The following RBM33 variants were observed in gnomAD, a reference collection of about 807,000 sequenced individuals.
RBM33 encodes the protein RNA-binding protein 33.
Under a neutral mutation model 132.6 loss-of-function variants are expected in RBM33, and 28 were observed. That is an observed-to-expected ratio of 0.21 (90% confidence interval 0.16 to 0.29). RBM33 has a LOEUF of 0.29. Ranked by LOEUF, RBM33 falls within the 10% of genes least tolerant of loss-of-function variation. The probability of loss-of-function intolerance (pLI) is 1.00; values close to 1 mark genes in which losing one functional copy is unlikely to be tolerated. For missense variants in RBM33, 1,291 were observed against 1,518.5 expected, an observed-to-expected ratio of 0.85 and a Z score of 2.49; for synonymous variants, 634 against 593.0, an observed-to-expected ratio of 1.07 and a Z score of -1.01.
intron 3 of RBM33, among the ~76,000 whole-genome samples, chr7:155,674,846 C>G (rs1799131860): frequency 6.6e-6 from 1 of 152,180 alleles, no homozygotes; most frequent in Non-Finnish European, 1.5e-5. Flanking sequence ...ATGTGTCTCT[C>G]ATTTCCTCTT....
At chr7:155,673,509 C>CAT (rs1214725067) in intron 3 of RBM33, among the ~76,000 whole-genome samples, 48 of 143,668 alleles carry the variant, frequency 3.3e-4, no homozygotes, top group African/African-American at 1.1e-3. Context: ...TATATACATA[C>CAT]ACACGTGTAT....
At chr7:155,712,207 T>C (rs1360348325) in intron 8 of RBM33, among the ~76,000 whole-genome samples, 5 of 152,234 alleles carry the variant, frequency 3.3e-5, no homozygotes, top group African/African-American at 1.2e-4. Context: ...AATTCCAGTG[T>C]CAGCTGGTGG....
chr7:155,717,237 C>G (rs1316679905), intron 8 of RBM33, among the ~76,000 whole-genome samples: 1 of 152,154 alleles, frequency 6.6e-6, no homozygotes, highest in African/African-American at 2.4e-5. Context: ...AACTTATTTT[C>G]TCGCAGTTCC....
intron 13 of RBM33, among the ~76,000 whole-genome samples, chr7:155,744,082 G>A (rs1801437058): frequency 1.3e-5 from 2 of 152,176 alleles, no homozygotes; most frequent in Admixed American, 1.3e-4. Context: ...GGCACCAGCC[G>A]ACTCCTCAGC....
rs1802123716 is a variant in RBM33 at position 155,763,893 on chromosome 7, G to A, written c.3061G>A (p.Ala1021Thr). 1.2e-6 allele frequency: 2 copies of A among 1,610,688 alleles called. No individual in the cohort carries two copies. The highest frequency in any genetic ancestry group is 1.7e-6 in the Non-Finnish European group (2 of 1,178,608). ...PQPPEVGPQP[A>T]RKVTLTRGGL... is the part of the protein sequence containing the mutation. ...GCCTCCGGAAGTGGGACCACAGCCT[G>A]CCCGCAAGGTGACGCTGACCAGGGG... is the stretch of plus-strand genomic sequence containing the variant. The change falls in exon 15 of 18, where the codon GCC (alanine) becomes ACC (threonine). Residue 1021 changes from alanine (A) to threonine (T), a missense_variant. Transcript: ENST00000401878.
intron 9 of RBM33, among the ~76,000 whole-genome samples, chr7:155,718,967 T>TCTCA (rs1554478579): frequency 8.6e-5 from 13 of 151,150 alleles, no homozygotes; most frequent in Non-Finnish European, 1.9e-4. Flanking sequence ...TCTCTCTCTC[T>TCTCA]CACACACACA....
chr7:155,662,555 G>C (rs1464689499), intron 1 of RBM33, among the ~76,000 whole-genome samples: 2 of 152,180 alleles, frequency 1.3e-5, no homozygotes, highest in East Asian at 3.9e-4. Flanking sequence ...TTGTGCTGTG[G>C]CTGTGGACAG....
intron 14 of RBM33, among the ~76,000 whole-genome samples, chr7:155,761,493 A>G (rs748169699): frequency 2.0e-5 from 3 of 151,908 alleles, no homozygotes; most frequent in Non-Finnish European, 4.4e-5. Context: ...TTAGAGTTCT[A>G]TTCGTATTTT....
At chr7:155,674,568 C>G (rs1799124803) in intron 3 of RBM33, among the ~76,000 whole-genome samples, 1 of 152,136 alleles carries the variant, frequency 6.6e-6, no homozygotes, top group Non-Finnish European at 1.5e-5. Context: ...GTGATAATTC[C>G]CTTTTGATTT....
chr7:155,703,320 A>G (rs1800019950), intron 6 of RBM33, among the ~76,000 whole-genome samples: 1 of 152,170 alleles, frequency 6.6e-6, no homozygotes, highest in African/African-American at 2.4e-5. Flanking sequence ...AGAAGCTGGA[A>G]AGGTTGGTTT....
chr7:155,708,732 G>A (rs558191079), intron 7 of RBM33, among the ~76,000 whole-genome samples: 32 of 152,286 alleles, frequency 2.1e-4, no homozygotes, highest in Admixed American at 1.8e-3. Flanking sequence ...GTAAGCAATA[G>A]TCTCGTCTTT....
Position 155,744,947 on chromosome 7 carries a change from G to A in RBM33, c.2338-14G>A, listed in dbSNP as rs761220437. The A allele has an allele frequency of 3.2e-6, 5 of 1,541,300 alleles. No homozygotes were observed. The highest frequency in any genetic ancestry group is 2.3e-5 in the East Asian group (1 of 44,410). On this transcript the variant is annotated splice_polypyrimidine_tract_variant and intron_variant, in intron 13 of 17. Transcript: ENST00000401878. ...CTGTATAGCAAAGTAAACCGTGTATGTTTTCCATTTTAGTTTCCTGATGAA... is the reference window on the plus strand; with the variant it reads ...CTGTATAGCAAAGTAAACCGTGTATATTTTCCATTTTAGTTTCCTGATGAA...
At chr7:155,749,313 T>C (rs1801621468) in intron 14 of RBM33, among the ~76,000 whole-genome samples, 1 of 152,208 alleles carries the variant, frequency 6.6e-6, no homozygotes, top group East Asian at 1.9e-4. Flanking sequence ...TATTATTTAT[T>C]GAGTGTTTAG....
In RBM33 at chr7:155,740,010, G is replaced by A. The variant is rs762831275; in HGVS notation, c.2033G>A (p.Arg678His). ...AGCAGCCGGATGCAGTGCCCCCAGC[G>A]CCAGGGGCTCCGGCATGTAAGTGTC... ...ASSSRMQCPQ[R>H]QGLRHNTTSQ... is the part of the protein sequence containing the mutation. Residue 678 changes from arginine to histidine, a missense_variant, in exon 12 of 18, where the codon CGC (arginine) becomes CAC (histidine). By Grantham distance (29) the Arg-to-His change is conservative. Transcript: ENST00000401878. 9.7e-6 allele frequency: 15 copies of A among 1,552,810 alleles called. No homozygotes were observed. The highest frequency in any genetic ancestry group is 1.1e-5 in the Non-Finnish European group (13 of 1,144,940).
chr7:155,707,518 A>G, intron 7 of RBM33: 1 of 326,730 alleles, frequency 3.1e-6, no homozygotes, highest in South Asian at 2.5e-5. Flanking sequence ...TCTCAGAATT[A>G]TTAACATGTC....
At chr7:155,691,505 G>GATA (rs1799640216) in intron 5 of RBM33, among the ~76,000 whole-genome samples, 1 of 152,062 alleles carries the variant, frequency 6.6e-6, no homozygotes, top group Admixed American at 6.5e-5. Flanking sequence ...TTAGTTTTTA[G>GATA]ATAACAATAT....
chr7:155,697,620 C>G (rs1563148926), intron 5 of RBM33, among the ~76,000 whole-genome samples: 1 of 151,926 alleles, frequency 6.6e-6, no homozygotes, highest in Non-Finnish European at 1.5e-5. Flanking sequence ...TTTCAGAGAA[C>G]TACCCATTGT....
At chr7:155,683,036 G>A (rs1270681051) in intron 5 of RBM33, among the ~76,000 whole-genome samples, 1 of 151,850 alleles carries the variant, frequency 6.6e-6, no homozygotes, top group East Asian at 1.9e-4. Context: ...AATTCTGGAA[G>A]TGTTCTGATG....
intron 1 of RBM33, among the ~76,000 whole-genome samples, chr7:155,660,035 A>T (rs1306342711): frequency 6.6e-6 from 1 of 152,206 alleles, no homozygotes; most frequent in Non-Finnish European, 1.5e-5. Context: ...TTTAATATCC[A>T]GTGTGATCTC....
Sources: gnomAD v4.1 joint callset for allele counts (sites outside exome capture counted in the v4.1 genomes callset) on GRCh38, gnomAD v4.1.1 for gene constraint, MANE v1.5 for transcripts, NCBI Gene and HGNC (gene_info 2026-07-23, HGNC 2026-07-21) for gene names.